Variants in DNAJC3 observed in about 807,000 individuals in gnomAD.
The protein encoded by DNAJC3 is DnaJ heat shock protein family (Hsp40) member C3, also known as dnaJ homolog subfamily C member 3.
A neutral mutation model predicts 68.6 loss-of-function variants in DNAJC3; 38 were observed. That is an observed-to-expected ratio of 0.55 (90% confidence interval 0.43 to 0.73). The LOEUF (loss-of-function observed/expected upper bound fraction) is 0.73. Ranked by LOEUF, DNAJC3 falls within the 30% of genes least tolerant of loss-of-function variation. The probability of loss-of-function intolerance (pLI) is 0.00; values close to 1 mark genes in which losing one functional copy is unlikely to be tolerated. For missense variants in DNAJC3, 526 were observed against 591.9 expected, an observed-to-expected ratio of 0.89 and a Z score of 1.16; for synonymous variants, 203 against 204.0, an observed-to-expected ratio of 1.00 and a Z score of 0.04.
chr13:95,740,779 G>A (rs1005962143), intron 4 of DNAJC3, among the ~76,000 whole-genome samples: 2 of 152,136 alleles, frequency 1.3e-5, no homozygotes, highest in South Asian at 2.1e-4. Flanking sequence ...CTTCTGCGTC[G>A]CTCACGCTGG....
At chr13:95,789,567 TAGGTTGATTC>T (rs1883704221) in intron 11 of DNAJC3, among the ~76,000 whole-genome samples, 1 of 152,240 alleles carries the variant, frequency 6.6e-6, no homozygotes, top group Non-Finnish European at 1.5e-5. Context: ...GATGGGCATT[TAGGTTGATTC>T]CATGTCTTTT....
chr13:95,702,509 A>G (rs17882236), intron 1 of DNAJC3, among the ~76,000 whole-genome samples: 2,600 of 152,336 alleles, frequency 0.017, 78 homozygotes, highest in African/African-American at 0.06. Context: ...TGACAGTATT[A>G]AGAGGCAGGG....
chr13:95,763,296 G>GTACC (rs1396146071), intron 7 of DNAJC3, among the ~76,000 whole-genome samples: 1 of 152,162 alleles, frequency 6.6e-6, no homozygotes, highest in Non-Finnish European at 1.5e-5. Context: ...ATTGTTCAAG[G>GTACC]TGCTCAGTGT....
At chr13:95,740,822 AT>A (rs1882117706) in intron 4 of DNAJC3, among the ~76,000 whole-genome samples, 1 of 152,218 alleles carries the variant, frequency 6.6e-6, no homozygotes, top group Non-Finnish European at 1.5e-5. Context: ...CTATTCGGCC[AT>A]CTTGGCTCCT....
chr13:95,760,819 A>C lies in DNAJC3; in HGVS notation c.848+21A>C, dbSNP rs543985044. Reference sequence around the variant, plus strand: ...GGCAGGTGAGAATATGGTTGTTCCAACTGTCCAGCCATTCCTTATGTGCGG... The same window carrying C: ...GGCAGGTGAGAATATGGTTGTTCCACCTGTCCAGCCATTCCTTATGTGCGG... On this transcript the variant is annotated intron_variant, in intron 7 of 11. Transcript: ENST00000602402. The C allele has an allele frequency of 1.9e-6, 3 of 1,606,072 alleles. No individual in the cohort carries two copies. In the Admixed American group the frequency reaches 5.1e-5, roughly 27 times the overall value.
chr13:95,704,772 T>C (rs1179629057), intron 1 of DNAJC3, among the ~76,000 whole-genome samples: 1 of 152,056 alleles, frequency 6.6e-6, no homozygotes, highest in African/African-American at 2.4e-5. Flanking sequence ...GTCTCCAGCA[T>C]TGGCAGATCA....
intron 4 of DNAJC3, among the ~76,000 whole-genome samples, chr13:95,737,645 T>C (rs1335773243): frequency 6.6e-6 from 1 of 151,974 alleles, no homozygotes; most frequent in African/African-American, 2.4e-5. Context: ...GTAGTTTGTA[T>C]TGCTGTGGGA....
At chr13:95,677,398 C>G in intron 1 of DNAJC3, 61 bp downstream of exon 1, 8 of 1,492,564 alleles carry the variant, frequency 5.4e-6, no homozygotes, top group Non-Finnish European at 7.2e-6. Context: ...CCGCGCTTTC[C>G]CGTCTGCGCC....
At chr13:95,724,853 A>G (rs1881454358) in intron 3 of DNAJC3, among the ~76,000 whole-genome samples, 2 of 152,156 alleles carry the variant, frequency 1.3e-5, no homozygotes, top group South Asian at 2.1e-4. Flanking sequence ...GTATGGATAT[A>G]TTATATTTGT....
chr13:95,716,280 C>T (rs991511700), intron 2 of DNAJC3, among the ~76,000 whole-genome samples: 1 of 152,170 alleles, frequency 6.6e-6, no homozygotes, highest in African/African-American at 2.4e-5. Flanking sequence ...TCTTCGGGGC[C>T]CCACTGCTCA....
chr13:95,779,718 G>T (rs1387521328), intron 9 of DNAJC3, among the ~76,000 whole-genome samples: 1 of 152,072 alleles, frequency 6.6e-6, no homozygotes, highest in Non-Finnish European at 1.5e-5. Context: ...ATTCTGCCTT[G>T]TGATTACTCT....
At chr13:95,738,139 G>T in intron 4 of DNAJC3, among the ~76,000 whole-genome samples, 1 of 149,350 alleles carries the variant, frequency 6.7e-6, no homozygotes, top group Non-Finnish European at 1.5e-5. Context: ...AGTTTTGAGT[G>T]AGATTCTTAA....
intron 9 of DNAJC3, among the ~76,000 whole-genome samples, chr13:95,764,347 TTCTCTCTCTC>T (rs3051424): frequency 4.0e-4 from 52 of 130,074 alleles, no homozygotes; most frequent in African/African-American, 1.4e-3. Flanking sequence ...CATATACATA[TTCTCTCTCTC>T]TCTCTCTCTC....
Position 95,786,035 on chromosome 13 carries a change from A to C in DNAJC3, c.1172A>C (p.Gln391Pro). The C allele has an allele frequency of 6.2e-7, 1 of 1,609,252 alleles. No homozygotes were observed. Among genetic ancestry groups the C allele is most frequent in the Non-Finnish European group, 8.5e-7 (1 of 1,178,408 alleles). Residue 391 changes from glutamine (Q) to proline (P), a missense_variant, in exon 10 of 12, where the codon CAG (glutamine) becomes CCG (proline). Physicochemically the swap from Gln to Pro is moderately conservative, Grantham distance 76. Transcript: ENST00000602402. ...GCACAAAGATTATTGAAACAGTCGC[A>C]GAAACGAGATTATTATAAAATCTTG... is the stretch of plus-strand genomic sequence containing the variant. Reference protein sequence around the residue: ...EKAQRLLKQSQKRDYYKILGV... With the variant: ...EKAQRLLKQSPKRDYYKILGV...
intron 1 of DNAJC3, among the ~76,000 whole-genome samples, chr13:95,691,173 G>C (rs1334308656): frequency 1.3e-5 from 2 of 151,496 alleles, no homozygotes; most frequent in African/African-American, 2.4e-5. Flanking sequence ...CCCGGACGGG[G>C]CTGCTGGCCA....
rs530144124 is a variant in DNAJC3 at position 95,740,510 on chromosome 13, G to A, written c.393+15258G>A. Among the ~76,000 whole-genome samples the A allele has an allele frequency of 1.0e-2, 1,508 of 151,408 alleles. 23 individuals carry two copies. Among genetic ancestry groups the A allele is most frequent in the African/African-American group, 0.035 (1,446 of 41,222 alleles). On this transcript the variant is annotated intron_variant, in intron 4 of 11. Coordinates refer to ENST00000602402, the MANE Select transcript of DNAJC3 (RefSeq NM_006260.5). ...CGAGCCAGGTGCCGGATATAATCTC[G>A]TGGTGCGCCGTTTTTTAAGCCCGTC...
At chr13:95,760,506 A>C (rs892384030) in intron 6 of DNAJC3, among the ~76,000 whole-genome samples, 173 bp from the exon 7 acceptor site, 2 of 152,234 alleles carry the variant, frequency 1.3e-5, no homozygotes, top group Non-Finnish European at 2.9e-5. Flanking sequence ...TTGAATTAAC[A>C]AATGTATGCA....
chr13:95,767,030 T>C (rs970370461), intron 9 of DNAJC3, among the ~76,000 whole-genome samples: 5 of 152,356 alleles, frequency 3.3e-5, no homozygotes, highest in African/African-American at 1.2e-4. Context: ...TTAATTGTGG[T>C]AAAAGATACA....
chr13:95,739,054 A>G (rs1044383880), intron 4 of DNAJC3, among the ~76,000 whole-genome samples: 4 of 151,998 alleles, frequency 2.6e-5, no homozygotes, highest in African/African-American at 7.2e-5. Flanking sequence ...GCTTGTCTGT[A>G]AAGGATTTTA....
Sources: allele counts gnomAD v4.1 joint callset (sites outside exome capture counted in the v4.1 genomes callset), GRCh38; gene constraint gnomAD v4.1.1; transcripts MANE v1.5; gene names NCBI Gene and HGNC (gene_info 2026-07-23, HGNC 2026-07-21).